PCNX2: variants seen among roughly 807,000 people sequenced by gnomAD.
The protein encoded by PCNX2 is pecanex-like protein 2.
Under a neutral mutation model 223.8 loss-of-function variants are expected in PCNX2, and 168 were observed. That is an observed-to-expected ratio of 0.75 (90% confidence interval 0.66 to 0.85). The LOEUF (loss-of-function observed/expected upper bound fraction) is 0.85, where lower values mean the gene tolerates loss of function less well. Among genes scored for constraint, PCNX2 ranks in the 40% least tolerant of loss-of-function variants. The pLI is 0.00. For missense variants in PCNX2, 2,507 were observed against 2,675.5 expected (o/e 0.94, Z 1.39); for synonymous variants, 1,006 against 1,052.6 (o/e 0.96, Z 0.86).
intron 21 of PCNX2, among the ~76,000 whole-genome samples, chr1:233,121,758 A>G (rs72765704): frequency 0.13 from 20,261 of 152,206 alleles, 1,445 homozygotes; most frequent in East Asian, 0.19. Flanking sequence ...ATGTAGTAAT[A>G]GATTAGATTT....
At chr1:233,173,672 T>G (rs16858795) in intron 17 of PCNX2, among the ~76,000 whole-genome samples, 9,817 of 152,278 alleles carry the variant, frequency 0.064, 925 homozygotes, top group African/African-American at 0.21. Context: ...AATCTCAGCC[T>G]TCCTATCCAA....
chr1:233,239,910 T>C (rs1024740605), intron 8 of PCNX2, among the ~76,000 whole-genome samples: 3 of 152,226 alleles, frequency 2.0e-5, no homozygotes, highest in African/African-American at 7.2e-5. Flanking sequence ...AAAGACAGTC[T>C]CAAACAGCAT....
chr1:233,016,878 TA>T (rs1227977081), intron 27 of PCNX2, 42 bp downstream of exon 27: 7 of 1,580,450 alleles, frequency 4.4e-6, no homozygotes, highest in Non-Finnish European at 6.1e-6. Context: ...CTTTATTTAT[TA>T]AACTTACATT....
intron 8 of PCNX2, chr1:233,241,099 T>C (rs765053037): frequency 4.6e-6 from 4 of 872,752 alleles, no homozygotes; most frequent in Non-Finnish European, 5.5e-6. Flanking sequence ...GTAGGATGTT[T>C]AACTAAAGCA....
chr1:233,212,909 C>T (rs1681899144), intron 12 of PCNX2, among the ~76,000 whole-genome samples: 1 of 152,174 alleles, frequency 6.6e-6, no homozygotes. Flanking sequence ...ATAAGCACTA[C>T]ATTAGCCAGG....
At chr1:233,206,641 G>C (rs1005564006) in intron 13 of PCNX2, among the ~76,000 whole-genome samples, 2 of 152,166 alleles carry the variant, frequency 1.3e-5, no homozygotes, top group African/African-American at 2.4e-5. Flanking sequence ...TTATGGATCT[G>C]TTCTTATTTT....
chr1:233,035,623 A>C (rs1001165218), intron 25 of PCNX2, among the ~76,000 whole-genome samples: 3 of 152,240 alleles, frequency 2.0e-5, no homozygotes, highest in African/African-American at 4.8e-5. Context: ...AGACATAGAT[A>C]GAGCTTAGCC....
At chr1:233,321,013 C>CTTTTT in the PCNX2 span, among the ~76,000 whole-genome samples, 411 of 70,354 alleles carry the variant, frequency 5.8e-3, 9 homozygotes, top group African/African-American at 0.012. Flanking sequence ...AAAATGTCTT[C>CTTTTT]TTTTTTTTTT....
At chr1:233,118,361 C>G (rs1191216322) in intron 21 of PCNX2, among the ~76,000 whole-genome samples, 1 of 151,944 alleles carries the variant, frequency 6.6e-6, no homozygotes, top group Non-Finnish European at 1.5e-5. Flanking sequence ...TGACATAGTG[C>G]TGGAGGTGTT....
chr1:233,300,007 GA>G (rs1572225769), upstream of PCNX2, among the ~76,000 whole-genome samples: 2 of 152,276 alleles, frequency 1.3e-5, no homozygotes, highest in East Asian at 3.9e-4. Flanking sequence ...ACTCATCTCT[GA>G]AAACCCAAAG....
intron 1 of PCNX2, among the ~76,000 whole-genome samples, chr1:233,264,354 G>A (rs1245143311): frequency 3.3e-5 from 5 of 152,170 alleles, no homozygotes. Flanking sequence ...CAGAAATCCA[G>A]TGATCCGTGT....
chr1:232,998,464 G>A (rs756854564), intron 31 of PCNX2, 26 bp from the exon 32 acceptor site: 1 of 1,602,374 alleles, frequency 6.2e-7, no homozygotes, highest in South Asian at 1.1e-5. Context: ...GTCCTTTGAG[G>A]ATTCTCAGCA....
At chr1:233,015,087 GTCAAATGGGTGCCCACCTTAACAC>G (rs1309156401) in intron 27 of PCNX2, among the ~76,000 whole-genome samples, 5 of 152,198 alleles carry the variant, frequency 3.3e-5, no homozygotes, top group African/African-American at 9.7e-5. Context: ...AGTGATTACA[GTCAAATGGGTGCCCACCTTAACAC>G]TCTCCAATGC....
chr1:233,089,150 C>T (rs1673747652), intron 23 of PCNX2, among the ~76,000 whole-genome samples: 2 of 151,972 alleles, frequency 1.3e-5, no homozygotes, highest in Non-Finnish European at 2.9e-5. Flanking sequence ...ATAAAAGACA[C>T]ATTGTAAAAT....
At chr1:233,046,192 T>G (rs746094864) in intron 25 of PCNX2, among the ~76,000 whole-genome samples, 2 of 152,204 alleles carry the variant, frequency 1.3e-5, no homozygotes, top group Non-Finnish European at 2.9e-5. Flanking sequence ...ACTGATGGCT[T>G]CAGTAGACTT....
intron 1 of PCNX2, among the ~76,000 whole-genome samples, chr1:233,286,509 T>C (rs1427797174): frequency 1.3e-5 from 2 of 152,146 alleles, no homozygotes; most frequent in African/African-American, 4.8e-5. Flanking sequence ...GACGTTGACA[T>C]GGACTATGTA....
At chr1:233,074,862 C>A (rs1673024144) in intron 23 of PCNX2, among the ~76,000 whole-genome samples, 1 of 151,704 alleles carries the variant, frequency 6.6e-6, no homozygotes, top group Admixed American at 6.6e-5. Context: ...CAAAGTAAAC[C>A]CAATGAGCTA....
At chr1:233,048,648 G>T (rs1194485510) in intron 25 of PCNX2, among the ~76,000 whole-genome samples, 3 of 151,948 alleles carry the variant, frequency 2.0e-5, no homozygotes, top group Non-Finnish European at 4.4e-5. Flanking sequence ...GCAGAAGAAA[G>T]AACTGAAATC....
chr1:233,283,151 G>GC (rs1169502157), intron 1 of PCNX2, among the ~76,000 whole-genome samples: 1 of 152,146 alleles, frequency 6.6e-6, no homozygotes, highest in Non-Finnish European at 1.5e-5. Context: ...ATTGTTGTGA[G>GC]CTAGAGTTCT....
Sources: allele counts gnomAD v4.1 joint callset (sites outside exome capture counted in the v4.1 genomes callset), GRCh38; gene constraint gnomAD v4.1.1; transcripts MANE v1.5; gene names NCBI Gene and HGNC (gene_info 2026-07-23, HGNC 2026-07-21).